Variants in LSM14A observed in about 807,000 individuals in gnomAD.
The protein encoded by LSM14A is protein LSM14 homolog A.
Under a neutral mutation model 52.4 loss-of-function variants are expected in LSM14A, and 14 were observed. The observed-to-expected ratio is 0.27, with a 90% CI of 0.18 to 0.42. The LOEUF (loss-of-function observed/expected upper bound fraction) is 0.42, where lower values mean the gene tolerates loss of function less well. Ranked by LOEUF, LSM14A falls within the 10% of genes least tolerant of loss-of-function variation. The pLI, the probability that LSM14A is intolerant of heterozygous loss-of-function variation, is 1.00. For synonymous variants in LSM14A, 185 were observed against 200.3 expected, an observed-to-expected ratio of 0.92 and a Z score of 0.64; for missense variants, 417 against 581.8, an observed-to-expected ratio of 0.72 and a Z score of 2.91.
intron 1 of LSM14A, among the ~76,000 whole-genome samples, chr19:34,183,767 C>G (rs1474344280): frequency 6.6e-6 from 1 of 152,042 alleles, no homozygotes; most frequent in Non-Finnish European, 1.5e-5. Context: ...CATCAACAGG[C>G]ACAATGGAAA....
At chr19:34,214,237 C>T (rs1270041058) in intron 4 of LSM14A, among the ~76,000 whole-genome samples, 1 of 151,744 alleles carries the variant, frequency 6.6e-6, no homozygotes, top group African/African-American at 2.4e-5. Flanking sequence ...TGTTTAATTA[C>T]CCAAGCCCCT....
At chr19:34,196,837 A>T in intron 3 of LSM14A, 74 bp downstream of exon 3, 1 of 1,307,108 alleles carries the variant, frequency 7.7e-7, no homozygotes, top group Non-Finnish European at 1.1e-6. Flanking sequence ...TAGAAACTCA[A>T]CACCAACTAT....
intron 4 of LSM14A, among the ~76,000 whole-genome samples, chr19:34,210,817 C>G (rs1196303954): frequency 1.3e-5 from 2 of 151,828 alleles, no homozygotes; most frequent in African/African-American, 4.8e-5. Context: ...AGTGATCCAC[C>G]CACCTTGGCC....
At chr19:34,178,022 G>A (rs1049199510) in intron 1 of LSM14A, among the ~76,000 whole-genome samples, 2 of 151,966 alleles carry the variant, frequency 1.3e-5, no homozygotes, top group Non-Finnish European at 2.9e-5. Flanking sequence ...TTATCTGGGC[G>A]TGCTGGTGCA....
In LSM14A at chr19:34,219,693, C is replaced by G; in HGVS notation, c.965-13C>G. Reference sequence around the variant, plus strand: ...GCTGTCTTGACTTTTCTGATATGTGCTTTTGTTCTTAGAAGATAAACTTGA... The same window carrying G: ...GCTGTCTTGACTTTTCTGATATGTGGTTTTGTTCTTAGAAGATAAACTTGA... On this transcript the variant is annotated splice_polypyrimidine_tract_variant and intron_variant, in intron 7 of 9. Coordinates refer to ENST00000544216, the MANE Select transcript of LSM14A (RefSeq NM_015578.4). 2 of 1,601,324 alleles carry G rather than the reference C, an allele frequency of 1.2e-6. No individual in the cohort carries two copies. The highest frequency in any genetic ancestry group is 8.5e-7 in the Non-Finnish European group (1 of 1,175,936).
At chr19:34,195,876 A>C (rs1599680873) in intron 2 of LSM14A, among the ~76,000 whole-genome samples, 1 of 152,246 alleles carries the variant, frequency 6.6e-6, no homozygotes, top group Admixed American at 6.5e-5. Context: ...AACTTCTTCC[A>C]ATCATCATAA....
At chr19:34,189,144 C>T (rs1230629084) in intron 1 of LSM14A, among the ~76,000 whole-genome samples, 2 of 152,230 alleles carry the variant, frequency 1.3e-5, no homozygotes, top group East Asian at 3.9e-4. Context: ...ACTACATTTT[C>T]GTTAATTCAT....
intron 1 of LSM14A, among the ~76,000 whole-genome samples, chr19:34,187,878 TTTG>T (rs575925620): frequency 7.9e-5 from 12 of 152,112 alleles, no homozygotes; most frequent in East Asian, 1.9e-4. Context: ...TTGACCCTGT[TTTG>T]TTGTTGTTGT....
chr19:34,221,300 C>G, intron 8 of LSM14A: 3 of 563,242 alleles, frequency 5.3e-6, no homozygotes, highest in East Asian at 5.7e-5. Flanking sequence ...CCAGGCTAGT[C>G]TCGAACTCCT....
chr19:34,190,076 A>T (rs1206171999), intron 1 of LSM14A, among the ~76,000 whole-genome samples: 1 of 152,174 alleles, frequency 6.6e-6, no homozygotes, highest in African/African-American at 2.4e-5. Context: ...GTTGTAGTAG[A>T]ATAGTTCCAG....
At chr19:34,194,420 G>T (rs192135138) in intron 1 of LSM14A, 58 bp from the exon 2 acceptor site, 14 of 1,366,336 alleles carry the variant, frequency 1.0e-5, no homozygotes, top group African/African-American at 1.4e-5. Flanking sequence ...TAGAATCTGG[G>T]GTACTACCTG....
At chr19:34,199,450 G>C (rs188261868) in intron 3 of LSM14A, among the ~76,000 whole-genome samples, 2 of 152,028 alleles carry the variant, frequency 1.3e-5, no homozygotes, top group African/African-American at 4.8e-5. Context: ...TTCTTAAACT[G>C]TTTTGTATGT....
rs566965148 is a variant in LSM14A, at chr19:34,228,387, ATAAG to A, written c.*1003_*1006del. On this transcript the variant is annotated 3_prime_UTR_variant, in exon 10 of 10. Coordinates refer to ENST00000544216, the MANE Select transcript of LSM14A (RefSeq NM_015578.4). ...AGAATGTACTTAGCTGTATTTTCAA[ATAAG>A]TAATCTTCCCCCCTTTTGTAGGACT... 4.4e-4 allele frequency: 67 copies of A among 152,786 alleles called. No individual in the cohort carries two copies. Among genetic ancestry groups the A allele is most frequent in the African/African-American group, 1.6e-3 (66 of 41,574 alleles). 9.5% of individuals were successfully genotyped at this position (152,786 alleles called of 1,614,324 possible). A position where few individuals can be genotyped will look rare whatever the true frequency, so the allele number is the denominator to read the frequency against.
intron 5 of LSM14A, 61 bp from the exon 6 acceptor site, chr19:34,215,535 A>G (rs57270694): frequency 0.34 from 465,799 of 1,352,534 alleles, 85,594 homozygotes; most frequent in African/African-American, 0.4. Context: ...ATTTCTAACT[A>G]TGGAAGTTTT....
intron 8 of LSM14A, among the ~76,000 whole-genome samples, chr19:34,220,435 G>T (rs612469): frequency 2.6e-5 from 4 of 151,888 alleles, no homozygotes; most frequent in Non-Finnish European, 5.9e-5. Context: ...TTTCACCCCT[G>T]TATGTTACAG....
chr19:34,191,100 C>G (rs1264912388), intron 1 of LSM14A, among the ~76,000 whole-genome samples: 2 of 151,996 alleles, frequency 1.3e-5, no homozygotes, highest in African/African-American at 4.8e-5. Flanking sequence ...TCTTGTTTAC[C>G]TTTTCTCAAA....
At chr19:34,209,969 T>A (rs2072014565) in intron 4 of LSM14A, among the ~76,000 whole-genome samples, 1 of 152,174 alleles carries the variant, frequency 6.6e-6, no homozygotes, top group South Asian at 2.1e-4. Context: ...CCTCCCACTT[T>A]AGCTTCCCCA....
At chr19:34,173,398 A>G (rs1175193737) in intron 1 of LSM14A, among the ~76,000 whole-genome samples, 1 of 152,076 alleles carries the variant, frequency 6.6e-6, no homozygotes, top group East Asian at 1.9e-4. Flanking sequence ...CGCGTGGTAA[A>G]AATGCTTGCT....
At chr19:34,179,912 A>T (rs2069354915) in intron 1 of LSM14A, among the ~76,000 whole-genome samples, 2 of 152,188 alleles carry the variant, frequency 1.3e-5, no homozygotes, top group African/African-American at 4.8e-5. Flanking sequence ...TAAAAACTAG[A>T]TACCATTGAA....
Sources: allele counts gnomAD v4.1 joint callset (sites outside exome capture counted in the v4.1 genomes callset), GRCh38; gene constraint gnomAD v4.1.1; transcripts MANE v1.5; gene names NCBI Gene and HGNC (gene_info 2026-07-23, HGNC 2026-07-21).